CREB5: variants seen among roughly 807,000 people sequenced by gnomAD.
CREB5 encodes cyclic AMP-responsive element-binding protein 5.
CREB5 carries 19 observed loss-of-function variants against 57.1 expected under a neutral mutation model. The observed-to-expected ratio is 0.33, with a 90% confidence interval of 0.23 to 0.49. CREB5 has a LOEUF of 0.49. Ranked by LOEUF, CREB5 falls within the 20% of genes least tolerant of loss-of-function variation. CREB5 has a pLI of 0.99. For missense variants in CREB5, 579 were observed against 671.6 expected (o/e 0.86, Z 1.52); for synonymous variants, 238 against 238.3 (o/e 1.00, Z 0.01).
chr7:28,573,933 G>A (rs934326033), intron 5 of CREB5, among the ~76,000 whole-genome samples: 6 of 152,128 alleles, frequency 3.9e-5, no homozygotes, highest in African/African-American at 1.4e-4. Context: ...CATGCCCTGC[G>A]CTCAATTCTG....
Position 28,324,493 on chromosome 7 carries a change from C to T in CREB5, c.-25+25052C>T, listed in dbSNP as rs114371455. ...AAAAAATATCTTGACTTTCATGATG[C>T]CACATACTCCTGGTTTTTCTCCCAC... On this transcript the variant is annotated intron_variant, in intron 1 of 9. Transcript: ENST00000396299. Among the ~76,000 whole-genome samples, 1,166 of 152,234 alleles carry T rather than the reference C, an allele frequency of 7.7e-3. 17 individuals carry two copies. Among genetic ancestry groups the T allele is most frequent in the African/African-American group, 0.027 (1,136 of 41,544 alleles).
rs768426438 is a variant in CREB5, at chr7:28,809,417, G to A, written c.1254+3G>A. ...CCCAGACAAACATGCAGCTTCAGGT[G>A]CAGCCCACGGTGTCTTTCCCCGCGA... On this transcript the variant is annotated splice_donor_region_variant and intron_variant, in intron 9 of 10. Coordinates refer to ENST00000357727, the MANE Select transcript of CREB5 (RefSeq NM_182898.4). 3 of 1,604,830 alleles carry A rather than the reference G, an allele frequency of 1.9e-6. No individual in the cohort carries two copies. The highest frequency in any genetic ancestry group is 2.6e-6 in the Non-Finnish European group (3 of 1,175,524).
intron 5 of CREB5, among the ~76,000 whole-genome samples, chr7:28,602,050 C>T (rs985711064): frequency 1.3e-5 from 2 of 150,982 alleles, no homozygotes; most frequent in African/African-American, 5.0e-5. Flanking sequence ...GTATATTTTC[C>T]TGCATAAGGG....
At chr7:28,623,032 A>G (rs1264801853) in intron 5 of CREB5, among the ~76,000 whole-genome samples, 1 of 151,996 alleles carries the variant, frequency 6.6e-6, no homozygotes, top group Non-Finnish European at 1.5e-5. Context: ...ACAGGCACCC[A>G]CCACCATGCC....
At chr7:28,329,926 T>C (rs2127986318) in intron 1 of CREB5, among the ~76,000 whole-genome samples, 1 of 152,350 alleles carries the variant, frequency 6.6e-6, no homozygotes, top group East Asian at 1.9e-4. Context: ...CTTTTTACAC[T>C]GATGGGTTTG....
intron 5 of CREB5, among the ~76,000 whole-genome samples, chr7:28,658,977 A>ATGTATATATATATATATATATATATG (rs1384603425): frequency 7.8e-6 from 1 of 128,760 alleles, no homozygotes; most frequent in Non-Finnish European, 1.7e-5. Flanking sequence ...ATATATATAT[A>ATGTATATATATATATATATATATATG]TATGTATATA....
chr7:28,485,470 T>G (rs1791509656), intron 1 of CREB5, among the ~76,000 whole-genome samples: 1 of 151,918 alleles, frequency 6.6e-6, no homozygotes, highest in Non-Finnish European at 1.5e-5. Context: ...ATAGATAATA[T>G]TTAATATTAG....
intron 1 of CREB5, among the ~76,000 whole-genome samples, chr7:28,449,048 C>T (rs763835278): frequency 1.1e-4 from 17 of 152,114 alleles, no homozygotes; most frequent in Non-Finnish European, 1.8e-4. Context: ...TTTAAAATGG[C>T]ATTTGCCTCC....
At chr7:28,624,242 C>T (rs1200107409) in intron 5 of CREB5, among the ~76,000 whole-genome samples, 1 of 152,176 alleles carries the variant, frequency 6.6e-6, no homozygotes, top group Non-Finnish European at 1.5e-5. Flanking sequence ...AAAGAAGAAT[C>T]AAGCGTTTAC....
intron 1 of CREB5, among the ~76,000 whole-genome samples, chr7:28,394,106 A>AAAAG (rs1787289337): frequency 2.2e-5 from 3 of 136,794 alleles, no homozygotes; most frequent in Non-Finnish European, 3.1e-5. Flanking sequence ...AAAAAAAAAA[A>AAAAG]GTGGACTTGG....
intron 5 of CREB5, 69 bp downstream of exon 5, chr7:28,570,606 G>A: frequency 6.5e-7 from 1 of 1,539,044 alleles, no homozygotes; most frequent in Non-Finnish European, 8.8e-7. Context: ...ACTTCCTCCT[G>A]GTTTCTGGTG....
chr7:28,548,840 C>G (rs1471819118), intron 4 of CREB5, among the ~76,000 whole-genome samples: 1 of 152,136 alleles, frequency 6.6e-6, no homozygotes, highest in African/African-American at 2.4e-5. Flanking sequence ...TTTGTCAGTT[C>G]CAGACATCCT....
intron 7 of CREB5, among the ~76,000 whole-genome samples, chr7:28,779,571 C>T (rs933601054): frequency 9.9e-5 from 15 of 152,184 alleles, no homozygotes; most frequent in Non-Finnish European, 1.8e-4. Flanking sequence ...CAAACAAATG[C>T]ATGCCCTGCT....
chr7:28,599,754 G>GTTTTCTTTTGT (rs3041154), intron 5 of CREB5, among the ~76,000 whole-genome samples: 1 of 148,790 alleles, frequency 6.7e-6, no homozygotes, highest in African/African-American at 2.5e-5. Flanking sequence ...GTTTTGTTTT[G>GTTTTCTTTTGT]TTTTTTTATT....
intron 5 of CREB5, among the ~76,000 whole-genome samples, chr7:28,657,792 T>C (rs1169534007): frequency 6.6e-6 from 1 of 150,490 alleles, no homozygotes; most frequent in Non-Finnish European, 1.5e-5. Context: ...TTTGTAAAAG[T>C]AGTGGAACCA....
intron 1 of CREB5, among the ~76,000 whole-genome samples, chr7:28,479,411 C>G (rs1209515021): frequency 6.6e-6 from 1 of 152,188 alleles, no homozygotes; most frequent in Non-Finnish European, 1.5e-5. Flanking sequence ...GGAAATGATG[C>G]CTTTTCTAGG....
At chr7:28,576,745 G>A (rs1258093747) in intron 5 of CREB5, among the ~76,000 whole-genome samples, 1 of 152,222 alleles carries the variant, frequency 6.6e-6, no homozygotes, top group Non-Finnish European at 1.5e-5. Flanking sequence ...TCCATTTCCT[G>A]AGGGGACAGT....
intron 1 of CREB5, among the ~76,000 whole-genome samples, chr7:28,324,037 G>T (rs923087459): frequency 6.6e-6 from 1 of 152,144 alleles, no homozygotes; most frequent in Admixed American, 6.5e-5. Flanking sequence ...AGGAGGTAAT[G>T]TGCATGATGG....
At chr7:28,718,137 A>G (rs542185526) in intron 5 of CREB5, among the ~76,000 whole-genome samples, 1 of 152,366 alleles carries the variant, frequency 6.6e-6, no homozygotes, top group East Asian at 1.9e-4. Flanking sequence ...AGAGGCTGGT[A>G]ATTGGAGGCT....
Sources: allele counts gnomAD v4.1 joint callset (sites outside exome capture counted in the v4.1 genomes callset), GRCh38; gene constraint gnomAD v4.1.1; transcripts MANE v1.5; gene names NCBI Gene and HGNC (gene_info 2026-07-23, HGNC 2026-07-21).